Variants in ARHGAP39 observed in about 807,000 individuals in gnomAD.
ARHGAP39 encodes rho GTPase-activating protein 39.
ARHGAP39 carries 44 observed loss-of-function variants against 106.9 expected under a neutral mutation model. That is an observed-to-expected ratio of 0.41 (90% CI 0.32 to 0.53). The LOEUF is 0.53. ARHGAP39 is among the 20% of genes least tolerant of loss of function. The pLI is 0.21. For synonymous variants in ARHGAP39, 768 were observed against 693.2 expected, an observed-to-expected ratio of 1.11 and a Z score of -1.69; for missense variants, 1,496 against 1,577.3, an observed-to-expected ratio of 0.95 and a Z score of 0.87.
chr8:144,622,341 C>T (rs1357699758), intron 1 of ARHGAP39, among the ~76,000 whole-genome samples: 1 of 151,772 alleles, frequency 6.6e-6, no homozygotes, highest in Admixed American at 6.6e-5. Flanking sequence ...TGTCCTCACA[C>T]CCCCATGGCC....
chr8:144,681,157 G>A lies in ARHGAP39; in HGVS notation c.-82+4529C>T, dbSNP rs142840808. Among the ~76,000 whole-genome samples the A allele has an allele frequency of 2.3e-3, 343 of 152,206 alleles. 3 individuals carry two copies. The highest frequency in any genetic ancestry group is 0.014 in the Middle Eastern group (4 of 294). The stretch of plus-strand genomic sequence containing the variant: ...CAACCTCAGGGCACAGCAAAGACTT[G>A]TCAGATAAACTTGGGAACAAGTCTA... On this transcript the variant is annotated intron_variant, in intron 1 of 11. Transcript: ENST00000377307.
intron 1 of ARHGAP39, among the ~76,000 whole-genome samples, chr8:144,643,185 G>A (rs1006998103): frequency 1.3e-5 from 2 of 152,150 alleles, no homozygotes; most frequent in Non-Finnish European, 1.5e-5. Context: ...ATTAAGAGAT[G>A]GTGTGGTGGC....
At chr8:144,675,314 C>T (rs1046478182) in intron 1 of ARHGAP39, among the ~76,000 whole-genome samples, 10 of 152,182 alleles carry the variant, frequency 6.6e-5, no homozygotes, top group African/African-American at 2.4e-4. Flanking sequence ...CTAACTGCAA[C>T]CTCTGCCTCC....
intron 3 of ARHGAP39, among the ~76,000 whole-genome samples, chr8:144,567,349 C>T (rs1238901548): frequency 6.6e-6 from 1 of 152,256 alleles, no homozygotes; most frequent in Non-Finnish European, 1.5e-5. Flanking sequence ...CTGTTATGCC[C>T]AGACAGGGCC....
chr8:144,549,596 G>A (rs1007750257), intron 4 of ARHGAP39, among the ~76,000 whole-genome samples: 3 of 152,056 alleles, frequency 2.0e-5, no homozygotes, highest in East Asian at 3.9e-4. Context: ...AAGTTCAAGC[G>A]ATTCTCCTGC....
intron 2 of ARHGAP39, chr8:144,584,135 C>G (rs1434657161): frequency 6.6e-6 from 1 of 152,198 alleles, no homozygotes; most frequent in Non-Finnish European, 1.5e-5. Flanking sequence ...AGTCTAAAGC[C>G]AAATATTAAA....
chr8:144,633,366 G>A (rs1821109921), intron 1 of ARHGAP39, among the ~76,000 whole-genome samples: 1 of 152,104 alleles, frequency 6.6e-6, no homozygotes, highest in Non-Finnish European at 1.5e-5. Flanking sequence ...GGCTGAGGCA[G>A]GAGAATCGCT....
intron 1 of ARHGAP39, among the ~76,000 whole-genome samples, chr8:144,639,338 A>AAAAG (rs1204395548): frequency 0.026 from 3,829 of 146,230 alleles, 192 homozygotes; most frequent in African/African-American, 0.091. Context: ...AAAAAAAAAA[A>AAAAG]AAAGAAAGAA....
intron 3 of ARHGAP39, among the ~76,000 whole-genome samples, chr8:144,562,303 C>G (rs1431145615): frequency 6.6e-6 from 1 of 151,112 alleles, no homozygotes; most frequent in Non-Finnish European, 1.5e-5. Flanking sequence ...TGGTTTCCAT[C>G]GGGCTCCAGT....
At position 144,647,350 on chromosome 8, in the gene ARHGAP39, G is replaced by A. The variant is rs762846807; in HGVS notation, c.-82+38336C>T. ...AACAGCCCATCCTCACATGAAACCC[G>A]CAGACTGCTGTGTCAAGGTGGCATC... On this transcript the variant is annotated intron_variant, in intron 1 of 11. Transcript: ENST00000377307. This position sits in a 1 kb window ranked among gnomAD's most constrained non-coding sequence, Gnocchi z 4.8. Among the ~76,000 whole-genome samples the A allele has an allele frequency of 1.3e-5, 2 of 152,132 alleles. No individual in the cohort carries two copies. The highest frequency in any genetic ancestry group is 2.1e-4 in the South Asian group (1 of 4,820).
In ARHGAP39 at chr8:144,645,174, C is replaced by T. The variant is rs546481781; in HGVS notation, c.-81-39479G>A. The stretch of plus-strand genomic sequence containing the variant: ...GCTCCAAAACCCCATCCCTCTCATA[C>T]TCAGAGCTGCAGATGCCAGTGCAAC... On this transcript the variant is annotated intron_variant, in intron 1 of 11. Transcript: ENST00000377307. This position sits in a 1 kb window ranked among gnomAD's most constrained non-coding sequence, Gnocchi z 4.4. 6.6e-6 allele frequency among the ~76,000 whole-genome samples: 1 copy of T among 152,388 alleles called. No individual in the cohort carries two copies. The highest frequency in any genetic ancestry group is 2.4e-5 in the African/African-American group (1 of 41,598).
chr8:144,616,520 C>T (rs1247249027), intron 1 of ARHGAP39, among the ~76,000 whole-genome samples: 4 of 152,214 alleles, frequency 2.6e-5, no homozygotes, highest in Non-Finnish European at 4.4e-5. Flanking sequence ...TGCTCAGCTA[C>T]TCCTTTGACC....
chr8:144,644,940 A>AC lies in ARHGAP39; in HGVS notation c.-81-39246dup, dbSNP rs1272751730. On this transcript the variant is annotated intron_variant, in intron 1 of 11. Transcript: ENST00000377307. The surrounding 1 kb of genome is among the most constrained non-coding windows in gnomAD (Gnocchi z 4.8). ...CAGGTCCTCTGCTCCGTGCTGCCAC[A>AC]CCCTGCCCAGTGCGCCCATTCAGGA... Among the ~76,000 whole-genome samples the AC allele has an allele frequency of 6.6e-6, 1 of 152,214 alleles. No individual in the cohort carries two copies. The highest frequency in any genetic ancestry group is 1.5e-5 in the Non-Finnish European group (1 of 68,036).
chr8:144,565,929 A>C (rs538552414), intron 3 of ARHGAP39, among the ~76,000 whole-genome samples: 553 of 118,486 alleles, frequency 4.7e-3, no homozygotes, highest in Non-Finnish European at 7.0e-3. Context: ...CCAACTCTAC[A>C]AAAAAAAAAA....
At chr8:144,692,851 C>G in the ARHGAP39 span, among the ~76,000 whole-genome samples, 5 of 149,224 alleles carry the variant, frequency 3.4e-5, no homozygotes, top group Admixed American at 1.3e-4. Flanking sequence ...CCTCTGCCTC[C>G]CAGGTTCAAG....
intron 3 of ARHGAP39, among the ~76,000 whole-genome samples, chr8:144,576,891 G>A (rs150659244): frequency 2.3e-3 from 347 of 152,262 alleles, no homozygotes; most frequent in African/African-American, 7.9e-3. Flanking sequence ...TCTCTGGCTG[G>A]GAGAAGTTGT....
chr8:144,530,516 G>T lies in ARHGAP39; in HGVS notation c.3251C>A (p.Pro1084Gln). The change falls in exon 12 of 12, where the codon CCG becomes CAG. Residue 1084 changes from proline (P) to glutamine (Q), a missense_variant. Coordinates refer to ENST00000377307, the MANE Select transcript of ARHGAP39 (RefSeq NM_025251.3). ...PNCLRCQSDD[P>Q]RVIFENTRKE... ...GCGGGTGTTCTCGAAGATGACGCGC[G>T]GGTCGTCGGACTGGCAGCGCAAGCA... The T allele has an allele frequency of 6.2e-7, 1 of 1,612,108 alleles. No individual in the cohort carries two copies. Among genetic ancestry groups the T allele is most frequent in the Non-Finnish European group, 8.5e-7 (1 of 1,179,704 alleles).
At chr8:144,612,713 C>T (rs1262216396) in intron 1 of ARHGAP39, among the ~76,000 whole-genome samples, 2 of 135,322 alleles carry the variant, frequency 1.5e-5, no homozygotes, top group South Asian at 2.7e-4. Flanking sequence ...GCCACGGCTG[C>T]GCCGCTGCAC....
Position 144,580,936 on chromosome 8 carries a change from TC to T in ARHGAP39, c.421del (p.Glu141SerfsTer25). ...CGCTTTCTCAGTGTCGGGCTCGGGCTCCAGGGAGGAGCTGGTGCTGCCCTCA... is the reference window on the plus strand; with the variant it reads ...CGCTTTCTCAGTGTCGGGCTCGGGCTCAGGGAGGAGCTGGTGCTGCCCTCA... Reference protein sequence around the residue: ...SREGSTSSSLEPEPDTEKAQE... With the variant: ...SREGSTSSSLXPEPDTEKAQE... On this transcript the variant is annotated frameshift_variant, in exon 3 of 12. Coordinates refer to ENST00000377307, the MANE Select transcript of ARHGAP39 (RefSeq NM_025251.3). LOFTEE classifies it high-confidence loss of function. 1 of 1,605,780 alleles carries T rather than the reference TC, an allele frequency of 6.2e-7. No individual in the cohort carries two copies. The highest frequency in any genetic ancestry group is 8.5e-7 in the Non-Finnish European group (1 of 1,178,272).
Sources: allele counts gnomAD v4.1 joint callset (sites outside exome capture counted in the v4.1 genomes callset), GRCh38; gene constraint gnomAD v4.1.1; non-coding constraint Gnocchi (gnomAD v3.1); transcripts MANE v1.5; gene names NCBI Gene and HGNC (gene_info 2026-07-23, HGNC 2026-07-21).